Variants in ZNF438 observed in about 807,000 individuals in gnomAD.
ZNF438 encodes the protein zinc finger protein 438.
In ZNF438, 25 loss-of-function variants were observed where a neutral mutation model predicts 38.0. The ratio of observed to expected loss-of-function variants is 0.66; its 90% CI spans 0.48 to 0.92. The LOEUF (loss-of-function observed/expected upper bound fraction) is 0.92. Ranked by LOEUF, ZNF438 falls within the 40% of genes least tolerant of loss-of-function variation. The pLI is 0.00. For synonymous variants in ZNF438, 372 were observed against 364.1 expected, an observed-to-expected ratio of 1.02 and a Z score of -0.25; for missense variants, 1,007 against 999.6, an observed-to-expected ratio of 1.01 and a Z score of -0.10.
intron 3 of ZNF438, among the ~76,000 whole-genome samples, chr10:30,880,201 C>A (rs1271207486): frequency 3.3e-5 from 5 of 152,012 alleles, no homozygotes; most frequent in African/African-American, 4.8e-5. Flanking sequence ...GAGACCAAGG[C>A]GGGCAGATCA....
At chr10:30,844,841 C>A (rs2031493826) in exon 6 of ZNF438, 1 of 1,240,490 alleles carries the variant, frequency 8.1e-7, no homozygotes, top group African/African-American at 1.5e-5. Flanking sequence ...AAAATCATTT[C>A]TGTTCACTCA....
chr10:30,857,545 C>T (rs943662496), intron 4 of ZNF438: 9 of 654,114 alleles, frequency 1.4e-5, no homozygotes, highest in African/African-American at 7.3e-5. Context: ...ATGAGCCACC[C>T]CATCTGGCCT....
chr10:30,894,047 G>C (rs925565074), intron 3 of ZNF438, among the ~76,000 whole-genome samples: 1 of 152,118 alleles, frequency 6.6e-6, no homozygotes, highest in African/African-American at 2.4e-5. Context: ...CTAGAACAAA[G>C]TAACCACTCA....
At chr10:30,983,813 C>T (rs2052483947) in intron 1 of ZNF438, among the ~76,000 whole-genome samples, 1 of 151,896 alleles carries the variant, frequency 6.6e-6, no homozygotes, top group South Asian at 2.1e-4. Context: ...TTCAAGTAAA[C>T]TTATTTTGAA....
Position 30,928,725 on chromosome 10 carries a change from C to CT in ZNF438, c.-115+12849_-115+12850insA, listed in dbSNP as rs1199591404. ...TCAGTTAACTCTACCCTCCACTGTC[C>CT]CCGAGTCCTGGTCTAGATTCTCTGT... On this transcript the variant is annotated intron_variant, in intron 2 of 5. Coordinates refer to ENST00000413025, the Ensembl canonical transcript of ZNF438. Among the ~76,000 whole-genome samples, 27 of 152,192 alleles carry CT rather than the reference C, an allele frequency of 1.8e-4. 2 individuals carry two copies. Among genetic ancestry groups the CT allele is most frequent in the African/African-American group, 5.5e-4 (23 of 41,516 alleles).
chr10:30,902,732 G>A (rs2994620), intron 3 of ZNF438, among the ~76,000 whole-genome samples: 13,794 of 152,288 alleles, frequency 0.091, 838 homozygotes, highest in Middle Eastern at 0.16. Context: ...CTAGACTCAG[G>A]AGCCCAGCTG....
At chr10:30,905,361 C>T (rs750833585) in intron 3 of ZNF438, among the ~76,000 whole-genome samples, 20 of 152,200 alleles carry the variant, frequency 1.3e-4, no homozygotes, top group African/African-American at 1.9e-4. Flanking sequence ...TAATGACTAA[C>T]GACGTTGCAC....
intron 3 of ZNF438, among the ~76,000 whole-genome samples, chr10:30,902,724 A>G (rs375770859): frequency 2.0e-5 from 3 of 152,230 alleles, no homozygotes; most frequent in African/African-American, 7.2e-5. Context: ...AGTCCTCACT[A>G]GACTCAGGAG....
intron 3 of ZNF438, among the ~76,000 whole-genome samples, chr10:30,878,816 C>T (rs543268051): frequency 1.4e-4 from 22 of 152,280 alleles, no homozygotes; most frequent in Admixed American, 5.9e-4. Context: ...CCTGAACCCA[C>T]TCGCTTGCTC....
chr10:30,854,272 C>G (rs1444179035), intron 4 of ZNF438, among the ~76,000 whole-genome samples: 1 of 152,142 alleles, frequency 6.6e-6, no homozygotes, highest in Non-Finnish European at 1.5e-5. Flanking sequence ...CGAAATAGCG[C>G]CACTGCACTG....
chr10:30,997,076 T>C (rs1002768778), intron 1 of ZNF438, among the ~76,000 whole-genome samples: 2 of 152,118 alleles, frequency 1.3e-5, no homozygotes, highest in Non-Finnish European at 1.5e-5. Context: ...TAGCTATAAA[T>C]GCCTATATTA....
intron 4 of ZNF438, among the ~76,000 whole-genome samples, chr10:30,851,660 A>G (rs888200673): frequency 2.6e-5 from 4 of 152,254 alleles, no homozygotes; most frequent in African/African-American, 7.2e-5. Flanking sequence ...AAAACATGCA[A>G]ATATTCGCAA....
intron 1 of ZNF438, among the ~76,000 whole-genome samples, chr10:30,958,484 A>T (rs2049111408): frequency 6.8e-6 from 1 of 147,038 alleles, no homozygotes; most frequent in African/African-American, 2.4e-5. Flanking sequence ...AGGAGCTTTT[A>T]TAAGATATAA....
At chr10:30,988,735 A>AC (rs201487503) in intron 1 of ZNF438, among the ~76,000 whole-genome samples, 2,105 of 152,286 alleles carry the variant, frequency 0.014, 58 homozygotes, top group African/African-American at 0.049. Flanking sequence ...CGCCAATATG[A>AC]TGAAACCAAT....
intron 1 of ZNF438, among the ~76,000 whole-genome samples, chr10:30,991,356 T>G (rs1263878923): frequency 6.6e-6 from 1 of 152,164 alleles, no homozygotes; most frequent in Non-Finnish European, 1.5e-5. Context: ...CAGCCCTCAT[T>G]TGTGGGGCAA....
intron 5 of ZNF438, among the ~76,000 whole-genome samples, chr10:30,846,874 A>G (rs2132635513): frequency 6.6e-6 from 1 of 152,262 alleles, no homozygotes. Context: ...CACCTGCTCC[A>G]ATCTCAAAGC....
At chr10:30,854,534 GA>G (rs2034279586) in intron 4 of ZNF438, among the ~76,000 whole-genome samples, 1 of 151,830 alleles carries the variant, frequency 6.6e-6, no homozygotes, top group Non-Finnish European at 1.5e-5. Context: ...AAACAGTGGG[GA>G]AAAAAAGAAC....
chr10:30,949,720 A>C (rs1381512574), intron 1 of ZNF438, among the ~76,000 whole-genome samples: 5 of 152,032 alleles, frequency 3.3e-5, no homozygotes, highest in Admixed American at 3.3e-4. Context: ...ATATGCACCC[A>C]ATACAGGAGC....
At chr10:30,948,853 C>T (rs983093547) in intron 1 of ZNF438, among the ~76,000 whole-genome samples, 1 of 150,606 alleles carries the variant, frequency 6.6e-6, no homozygotes, top group Non-Finnish European at 1.5e-5. Flanking sequence ...AGAACTTCCC[C>T]AATCTAGCAA....
Sources: allele counts gnomAD v4.1 joint callset (sites outside exome capture counted in the v4.1 genomes callset), GRCh38; gene constraint gnomAD v4.1.1; transcripts MANE v1.5; gene names NCBI Gene and HGNC (gene_info 2026-07-23, HGNC 2026-07-21).